The following BCL2L13 variants were observed in gnomAD, a reference collection of about 807,000 sequenced individuals.
The protein encoded by BCL2L13 is BCL2 like 13, also known as bcl-2-like protein 13.
In BCL2L13, 13 loss-of-function variants were observed where a neutral mutation model predicts 25.8. That is an observed-to-expected ratio of 0.50 (90% CI 0.33 to 0.80). BCL2L13 has a LOEUF of 0.80. Ranked by LOEUF, BCL2L13 falls within the 30% of genes least tolerant of loss-of-function variation. The pLI is 0.02. For synonymous variants in BCL2L13, 244 were observed against 230.3 expected (o/e 1.06, Z -0.54); for missense variants, 504 against 574.9 (o/e 0.88, Z 1.26).
chr22:17,728,557 A>G lies in BCL2L13; in HGVS notation c.*1023A>G, dbSNP rs1426568404. On this transcript the variant is annotated 3_prime_UTR_variant, in exon 7 of 7. Transcript: ENST00000317582. ...CCTGTCTATAACCTTGGGCTAGTAT[A>G]TTTTTTCCAATATGGGACCTTAGTC... is the stretch of plus-strand genomic sequence containing the variant. 6.6e-6 allele frequency: 1 copy of G among 151,992 alleles called. No homozygotes were observed. Among genetic ancestry groups the G allele is most frequent in the Non-Finnish European group, 1.5e-5 (1 of 67,998 alleles). 9.4% of individuals were successfully genotyped at this position (151,992 alleles called of 1,614,324 possible).
intron 1 of BCL2L13, among the ~76,000 whole-genome samples, chr22:17,642,280 C>A (rs995278570): frequency 2.0e-5 from 3 of 151,598 alleles, no homozygotes; most frequent in African/African-American, 7.3e-5. Flanking sequence ...GTAACTGTAA[C>A]TCAGAGTAGC....
chr22:17,684,660 T>C (rs1182481926), intron 3 of BCL2L13: 1 of 452,924 alleles, frequency 2.2e-6, no homozygotes, highest in African/African-American at 2.0e-5. Flanking sequence ...ATCTCCCAGG[T>C]TCAAATGATT....
chr22:17,717,735 T>A (rs2060988093), intron 6 of BCL2L13, among the ~76,000 whole-genome samples: 2 of 152,160 alleles, frequency 1.3e-5, no homozygotes, highest in Non-Finnish European at 2.9e-5. Context: ...CTGTTTTTTT[T>A]ATATCATCCA....
intron 6 of BCL2L13, among the ~76,000 whole-genome samples, chr22:17,707,400 G>T (rs144083459): frequency 3.7e-4 from 56 of 152,158 alleles, no homozygotes; most frequent in African/African-American, 1.3e-3. Flanking sequence ...CGACTTCGAG[G>T]CCTCAGAAAT....
intron 3 of BCL2L13, among the ~76,000 whole-genome samples, chr22:17,685,251 C>G (rs111444092): frequency 6.6e-6 from 1 of 151,710 alleles, no homozygotes; most frequent in African/African-American, 2.4e-5. Flanking sequence ...TTTAAGACAT[C>G]GCCTTGCTCT....
intron 4 of BCL2L13, among the ~76,000 whole-genome samples, chr22:17,694,458 G>A (rs1263471454): frequency 6.6e-6 from 1 of 151,936 alleles, no homozygotes; most frequent in African/African-American, 2.4e-5. Flanking sequence ...GGCATCAGTT[G>A]GGCCCAAGGA....
intron 6 of BCL2L13, among the ~76,000 whole-genome samples, chr22:17,714,882 G>A (rs1181004923): frequency 1.3e-5 from 2 of 151,732 alleles, no homozygotes; most frequent in African/African-American, 2.4e-5. Context: ...GGCCGGGCAT[G>A]GTGGCTCATG....
At chr22:17,645,537 A>G (rs1374951306) in intron 1 of BCL2L13, among the ~76,000 whole-genome samples, 3 of 151,520 alleles carry the variant, frequency 2.0e-5, no homozygotes, top group Non-Finnish European at 1.5e-5. Flanking sequence ...GTAGGATTTA[A>G]TAGCTGCTGT....
intron 2 of BCL2L13, among the ~76,000 whole-genome samples, chr22:17,657,437 T>G (rs1482065007): frequency 6.6e-6 from 1 of 152,226 alleles, no homozygotes; most frequent in Non-Finnish European, 1.5e-5. Context: ...CATGATCCTG[T>G]CTGTTCCTCC....
chr22:17,648,257 A>G (rs1372854236), intron 1 of BCL2L13, among the ~76,000 whole-genome samples: 1 of 152,140 alleles, frequency 6.6e-6, no homozygotes, highest in Non-Finnish European at 1.5e-5. Context: ...TGGAGTTTAC[A>G]CTTGGCCTGT....
upstream of BCL2L13, among the ~76,000 whole-genome samples, chr22:17,637,515 C>T (rs1426510511): frequency 6.6e-6 from 1 of 151,516 alleles, no homozygotes; most frequent in Non-Finnish European, 1.5e-5. Context: ...GCTGGGATTA[C>T]AGGCGCGTGA....
chr22:17,722,472 C>G (rs1368414303), intron 6 of BCL2L13, among the ~76,000 whole-genome samples: 1 of 150,844 alleles, frequency 6.6e-6, no homozygotes, highest in African/African-American at 2.4e-5. Flanking sequence ...GAACTCCTGG[C>G]CTCAAATGAT....
chr22:17,671,343 A>ACTTGGCG (rs2059410966), intron 2 of BCL2L13, among the ~76,000 whole-genome samples: 1 of 145,474 alleles, frequency 6.9e-6, no homozygotes, highest in Admixed American at 7.2e-5. Flanking sequence ...GCAGTGAGCC[A>ACTTGGCG]AGATCACGCC....
intron 2 of BCL2L13, among the ~76,000 whole-genome samples, chr22:17,659,325 T>C (rs545735340): frequency 2.1e-5 from 3 of 144,822 alleles, no homozygotes; most frequent in African/African-American, 7.3e-5. Context: ...GATTGTGCCA[T>C]TGCACTTCAG....
upstream of BCL2L13, among the ~76,000 whole-genome samples, chr22:17,636,394 T>A (rs1329375827): frequency 1.3e-5 from 2 of 150,436 alleles, no homozygotes; most frequent in African/African-American, 4.9e-5. Context: ...CTTGGGAGGC[T>A]GAGGTGGAAC....
chr22:17,663,499 GTTTTTC>G (rs2059135683), intron 2 of BCL2L13, among the ~76,000 whole-genome samples: 1 of 151,784 alleles, frequency 6.6e-6, no homozygotes, highest in African/African-American at 2.4e-5. Context: ...CAGAGGAACT[GTTTTTC>G]TTTTATTGTT....
chr22:17,697,676 A>G (rs1031015988), intron 5 of BCL2L13, among the ~76,000 whole-genome samples: 5 of 152,170 alleles, frequency 3.3e-5, no homozygotes, highest in African/African-American at 4.8e-5. Flanking sequence ...GCTTTAACAC[A>G]TGGGACCTTA....
At chr22:17,639,993 T>TA (rs1372482848) in intron 1 of BCL2L13, among the ~76,000 whole-genome samples, 1 of 152,180 alleles carries the variant, frequency 6.6e-6, no homozygotes, top group African/African-American at 2.4e-5. Context: ...TAGCTGGGAT[T>TA]ACAGGCATGC....
intron 2 of BCL2L13, among the ~76,000 whole-genome samples, chr22:17,679,014 G>A (rs1181440898): frequency 1.3e-5 from 2 of 152,098 alleles, no homozygotes; most frequent in African/African-American, 4.8e-5. Context: ...CAAGTCTTTA[G>A]GGAAATGAAA....
Sources: allele counts gnomAD v4.1 joint callset (sites outside exome capture counted in the v4.1 genomes callset), GRCh38; gene constraint gnomAD v4.1.1; transcripts MANE v1.5; gene names NCBI Gene and HGNC (gene_info 2026-07-23, HGNC 2026-07-21).